GSE1: variants seen among roughly 807,000 people sequenced by gnomAD.
GSE1 encodes the protein genetic suppressor element 1.
A neutral mutation model predicts 112.6 loss-of-function variants in GSE1; 32 were observed. The observed-to-expected ratio is 0.28, with a 90% CI of 0.21 to 0.38. The LOEUF (loss-of-function observed/expected upper bound fraction) is 0.38, where lower values mean the gene tolerates loss of function less well. Ranked by LOEUF, GSE1 falls within the 10% of genes least tolerant of loss-of-function variation. GSE1 has a pLI of 1.00. For missense variants in GSE1, 2,348 were observed against 1,699.2 expected (o/e 1.38, Z -6.71); for synonymous variants, 1,115 against 735.6 (o/e 1.52, Z -8.35).
chr16:85,196,374 ACTGT>A (rs1190665420), intron 1 of GSE1, among the ~76,000 whole-genome samples: 3 of 152,078 alleles, frequency 2.0e-5, no homozygotes, highest in African/African-American at 7.2e-5. Flanking sequence ...CCTGCATCTG[ACTGT>A]CAGCCCCTGG....
At chr16:85,546,052 T>A (rs2151220320) in intron 2 of GSE1, among the ~76,000 whole-genome samples, 2 of 152,306 alleles carry the variant, frequency 1.3e-5, no homozygotes, top group South Asian at 4.1e-4. Flanking sequence ...CCCAAAGTGC[T>A]GGGATTACAG....
rs1313272197 is a variant in GSE1 at position 85,556,838 on chromosome 16, C to G, written c.37+475C>G. 3.3e-5 allele frequency among the ~76,000 whole-genome samples: 5 copies of G among 149,626 alleles called. No individual in the cohort carries two copies. In the East Asian group the frequency reaches 1.0e-3, roughly 30 times the overall value. On this transcript the variant is annotated intron_variant, in intron 1 of 2. Transcript: ENST00000635906. ...CTCGGCGCGAGCGTGGCTCGCCGGC[C>G]CCCCCGCCGCCCCCCTTCCTGCCTG...
intron 2 of GSE1, among the ~76,000 whole-genome samples, chr16:85,371,658 C>A (rs568380731): frequency 3.9e-5 from 6 of 152,330 alleles, no homozygotes; most frequent in Admixed American, 6.5e-5. Flanking sequence ...TGTGCATGGA[C>A]CCTTACGGGA....
intron 1 of GSE1, among the ~76,000 whole-genome samples, chr16:85,345,163 A>G (rs1034430388): frequency 4.4e-5 from 6 of 135,326 alleles, no homozygotes; most frequent in African/African-American, 1.7e-4. Context: ...CTGTTTTTGG[A>G]TGGCCCATGA....
chr16:85,171,936 G>C, intron 1 of GSE1: 1 of 463,830 alleles, frequency 2.2e-6, no homozygotes, highest in Non-Finnish European at 2.8e-6. Flanking sequence ...GGGGTGTTCC[G>C]GGGGAGGTAC....
chr16:85,656,284 C>G (rs907783247), intron 6 of GSE1, 59 bp from the exon 7 acceptor site: 3 of 1,590,198 alleles, frequency 1.9e-6, no homozygotes, highest in African/African-American at 2.7e-5. Flanking sequence ...AGGGCCTGCC[C>G]CAGGTCCGTC....
At chr16:85,254,523 G>A (rs1906859210) in intron 1 of GSE1, among the ~76,000 whole-genome samples, 1 of 152,222 alleles carries the variant, frequency 6.6e-6, no homozygotes, top group South Asian at 2.1e-4. Flanking sequence ...CTGGCAATGA[G>A]CGTCATCAAT....
At chr16:85,516,798 CT>C (rs71151300) in intron 2 of GSE1, among the ~76,000 whole-genome samples, 124 of 129,596 alleles carry the variant, frequency 9.6e-4, no homozygotes, top group Admixed American at 2.4e-3. Flanking sequence ...TGTCTTGGTT[CT>C]TTTTTTTTTT....
intron 2 of GSE1, among the ~76,000 whole-genome samples, chr16:85,456,332 CCT>C (rs1157111490): frequency 6.6e-6 from 1 of 152,030 alleles, no homozygotes; most frequent in Non-Finnish European, 1.5e-5. Flanking sequence ...GTGGGGAGGC[CCT>C]GTGAGAGGAA....
At chr16:85,359,303 G>A in intron 2 of GSE1, 1 of 442,432 alleles carries the variant, frequency 2.3e-6, no homozygotes, top group Non-Finnish European at 4.6e-6. Context: ...CTCCGAGGAG[G>A]AGGCAGCTTG....
chr16:85,389,854 G>A (rs535768492), intron 2 of GSE1, among the ~76,000 whole-genome samples: 17 of 151,736 alleles, frequency 1.1e-4, no homozygotes, highest in Non-Finnish European at 1.6e-4. Flanking sequence ...AGAGAGGGGC[G>A]TCACTTGCAA....
At chr16:85,233,943 C>T (rs1158355067) in intron 1 of GSE1, among the ~76,000 whole-genome samples, 12 of 152,122 alleles carry the variant, frequency 7.9e-5, no homozygotes, top group South Asian at 2.1e-4. Flanking sequence ...ATCACATGGG[C>T]AGGAGCACAG....
Position 85,199,499 on chromosome 16 carries a change from A to G in GSE1, c.2283+27692A>G, listed in dbSNP as rs188983679. 3.2e-4 allele frequency among the ~76,000 whole-genome samples: 49 copies of G among 152,294 alleles called. 1 individual carries two copies. In the East Asian group the frequency reaches 8.7e-3, roughly 27 times the overall value. ...ATGTAAACACCCTCTCCAAGAATAC[A>G]AACCAGAGTGTCCAGCTGCGTTTAA... On this transcript the variant is annotated intron_variant, in intron 1 of 2. Coordinates refer to the GSE1 transcript ENST00000637419.
At chr16:85,220,850 C>T (rs1216319165) in intron 1 of GSE1, among the ~76,000 whole-genome samples, 1 of 152,146 alleles carries the variant, frequency 6.6e-6, no homozygotes, top group South Asian at 2.1e-4. Flanking sequence ...CACTTCCTCC[C>T]CATCCCTTTT....
chr16:85,526,278 C>T (rs762957367), intron 2 of GSE1, among the ~76,000 whole-genome samples: 19 of 152,266 alleles, frequency 1.2e-4, no homozygotes, highest in Admixed American at 2.6e-4. Context: ...CATAGGGACT[C>T]GCTGTTCCCT....
chr16:85,196,698 C>T (rs571594362), intron 1 of GSE1, among the ~76,000 whole-genome samples: 6 of 152,192 alleles, frequency 3.9e-5, no homozygotes, highest in East Asian at 1.9e-4. Flanking sequence ...ATTAATCCAG[C>T]GACATGCTAT....
chr16:85,291,966 C>T (rs2045228258), intron 1 of GSE1, among the ~76,000 whole-genome samples: 1 of 152,200 alleles, frequency 6.6e-6, no homozygotes, highest in South Asian at 2.1e-4. Context: ...GCCCTTGACC[C>T]TGGGAGCCCC....
At chr16:85,272,664 G>A (rs1225883213) in intron 1 of GSE1, among the ~76,000 whole-genome samples, 1 of 135,998 alleles carries the variant, frequency 7.4e-6, no homozygotes, top group Non-Finnish European at 1.7e-5. Context: ...GCAGTGCTGG[G>A]GGCTTGGTGA....
chr16:85,347,509 G>A (rs2046767197), intron 1 of GSE1, among the ~76,000 whole-genome samples: 1 of 152,160 alleles, frequency 6.6e-6, no homozygotes, highest in East Asian at 1.9e-4. Flanking sequence ...GCCTGAGTGT[G>A]TCCTGAGGCT....
Sources: gnomAD v4.1 joint callset for allele counts (sites outside exome capture counted in the v4.1 genomes callset) on GRCh38, gnomAD v4.1.1 for gene constraint, MANE v1.5 for transcripts, NCBI Gene and HGNC (gene_info 2026-07-23, HGNC 2026-07-21) for gene names.